ZFP82: variants seen among roughly 807,000 people sequenced by gnomAD.
ZFP82 encodes the protein ZFP82 zinc finger protein, also known as zinc finger protein 82 homolog.
A neutral mutation model predicts 54.0 loss-of-function variants in ZFP82; 30 were observed. That is an observed-to-expected ratio of 0.56 (90% CI 0.42 to 0.75). The LOEUF is 0.75. ZFP82 is among the 30% of genes least tolerant of loss of function. The pLI is 0.00. For missense variants in ZFP82, 500 were observed against 636.8 expected, an observed-to-expected ratio of 0.79 and a Z score of 2.31; for synonymous variants, 194 against 209.5, an observed-to-expected ratio of 0.93 and a Z score of 0.64.
chr19:36,411,322 ATTTCT>A (rs2032577069), intron 1 of ZFP82, among the ~76,000 whole-genome samples: 1 of 152,176 alleles, frequency 6.6e-6, no homozygotes, highest in Non-Finnish European at 1.5e-5. Flanking sequence ...GAAACCCAGA[ATTTCT>A]ATTCCAGTGA....
rs757850059 is a variant in ZFP82 at position 36,393,812 on chromosome 19, C to T, written c.528G>A (p.Gly176=). The part of the protein sequence containing the change: ...VDKPYECKEC[G]KAFRVRQQLT... ...GCTGTTGGCGCACTCTGAACGCCTT[C>T]CCACATTCCTTACATTCATAGGGTT... The change falls in exon 5 of 5, where the codon GGG becomes GGA. Residue 176 remains glycine (G), a synonymous_variant. Transcript: ENST00000392161. 6.2e-7 allele frequency: 1 copy of T among 1,614,148 alleles called. No homozygotes were observed. The highest frequency in any genetic ancestry group is 8.5e-7 in the Non-Finnish European group (1 of 1,180,018).
At position 36,392,704 on chromosome 19, in the gene ZFP82, T is replaced by C. The variant is rs905094835; in HGVS notation, c.*37A>G. 10 of 1,494,412 alleles carry C rather than the reference T, an allele frequency of 6.7e-6. No individual in the cohort carries two copies. In the African/African-American group the frequency reaches 8.4e-5, roughly 13 times the overall value. 92.6% of individuals were successfully genotyped at this position (1,494,412 alleles called of 1,614,324 possible). ...CAAAATAGATTAATTACTACATTCATAGAATGTTCTATAACACAGAAGTTG... is the reference window on the plus strand; with the variant it reads ...CAAAATAGATTAATTACTACATTCACAGAATGTTCTATAACACAGAAGTTG... On this transcript the variant is annotated 3_prime_UTR_variant, in exon 5 of 5. Transcript: ENST00000392161.
At chr19:36,403,137 G>A (rs1234922377) in intron 4 of ZFP82, among the ~76,000 whole-genome samples, 6 of 151,034 alleles carry the variant, frequency 4.0e-5, no homozygotes, top group African/African-American at 7.3e-5. Flanking sequence ...GCAAGACTCC[G>A]TCTCAAAACA....
chr19:36,402,390 A>G (rs1568486997), intron 4 of ZFP82, among the ~76,000 whole-genome samples: 1 of 144,614 alleles, frequency 6.9e-6, no homozygotes, highest in East Asian at 2.1e-4. Flanking sequence ...AACGGCGTGA[A>G]CCCAGGAAGC....
chr19:36,390,029 T>C lies in ZFP82; in HGVS notation c.*2712A>G, dbSNP rs1406275391. On this transcript the variant is annotated 3_prime_UTR_variant, in exon 5 of 5. Coordinates refer to ENST00000392161, the MANE Select transcript of ZFP82 (RefSeq NM_133466.4). Reference sequence around the variant, plus strand: ...AGTGTGCCTACCCCTGCCTTGTCCATTCCTTCCCATGAAAACCCCCAATAA... The same window carrying C: ...AGTGTGCCTACCCCTGCCTTGTCCACTCCTTCCCATGAAAACCCCCAATAA... Among the ~76,000 whole-genome samples the C allele has an allele frequency of 6.6e-6, 1 of 152,162 alleles. No homozygotes were observed. Among genetic ancestry groups the C allele is most frequent in the South Asian group, 2.1e-4 (1 of 4,822 alleles).
At chr19:36,418,169 C>G (rs79104492) in intron 1 of ZFP82, among the ~76,000 whole-genome samples, 1,786 of 152,138 alleles carry the variant, frequency 0.012, 37 homozygotes, top group African/African-American at 0.04. Context: ...CCTCCCGCCT[C>G]GCTCTCCCAG....
chr19:36,395,047 TAC>T (rs1403777816), intron 4 of ZFP82: 1 of 152,220 alleles, frequency 6.6e-6, no homozygotes, highest in Non-Finnish European at 1.5e-5. Context: ...CATGCCTTAC[TAC>T]AGTGATTAAA....
chr19:36,403,799 C>T (rs948012535), intron 4 of ZFP82, among the ~76,000 whole-genome samples: 2 of 152,024 alleles, frequency 1.3e-5, no homozygotes, highest in Admixed American at 1.3e-4. Flanking sequence ...GAATGATATT[C>T]TGTGAACTAG....
chr19:36,397,714 A>G (rs1389907316), intron 4 of ZFP82, among the ~76,000 whole-genome samples: 1 of 151,782 alleles, frequency 6.6e-6, no homozygotes. Context: ...CGGCCTCCCA[A>G]GTAGCTGGGA....
intron 4 of ZFP82, among the ~76,000 whole-genome samples, chr19:36,401,789 G>A (rs902294845): frequency 2.0e-5 from 3 of 152,124 alleles, no homozygotes; most frequent in African/African-American, 4.8e-5. Context: ...CATAATGGCC[G>A]TCTTTGTTAT....
chr19:36,414,365 T>C (rs1271658687), intron 1 of ZFP82, among the ~76,000 whole-genome samples: 1 of 96,136 alleles, frequency 1.0e-5, no homozygotes. Context: ...GTAATTCTAC[T>C]TTTTTTTTTT....
rs771573954 is a variant in ZFP82 at position 36,393,649 on chromosome 19, A to G, written c.691T>C (p.Cys231Arg). The change falls in exon 5 of 5, where the codon TGT becomes CGT. Residue 231 changes from cysteine to arginine, a missense_variant. Physicochemically the swap from Cys to Arg is radical, Grantham distance 180. Transcript: ENST00000392161. The part of the protein sequence containing the change: ...SGEKLYECKE[C>R]GEAFICGADL... ...GCACCACATATGAAAGCTTCCCCACATTCCTTACATTCATAGAGTTTTTCA... is the reference window on the plus strand; with the variant it reads ...GCACCACATATGAAAGCTTCCCCACGTTCCTTACATTCATAGAGTTTTTCA... The G allele has an allele frequency of 1.2e-6, 2 of 1,614,050 alleles. No individual in the cohort carries two copies. Among genetic ancestry groups the G allele is most frequent in the African/African-American group, 2.7e-5 (2 of 74,996 alleles).
chr19:36,413,342 C>T (rs190808856), intron 1 of ZFP82, among the ~76,000 whole-genome samples: 12 of 151,996 alleles, frequency 7.9e-5, no homozygotes, highest in African/African-American at 1.7e-4. Context: ...ATCTGGGAGG[C>T]GGAGGTTGCA....
At chr19:36,394,210 C>A in intron 4 of ZFP82, 100 bp from the exon 5 acceptor site, 6 of 1,085,966 alleles carry the variant, frequency 5.5e-6, no homozygotes, top group East Asian at 2.4e-5. Flanking sequence ...AATCCTTAAC[C>A]AAAACTCTAA....
At chr19:36,417,332 G>A (rs1422541224) in intron 1 of ZFP82, among the ~76,000 whole-genome samples, 1 of 152,116 alleles carries the variant, frequency 6.6e-6, no homozygotes, top group Non-Finnish European at 1.5e-5. Context: ...AAGGCCCACA[G>A]AAGTAATGAA....
chr19:36,390,703 T>C lies in ZFP82; in HGVS notation c.*2038A>G, dbSNP rs950482958. ...CCATTGCTATCACCACGAAAATCCA[T>C]GATTTTGTAAAATTAAAGAGCGTAG... On this transcript the variant is annotated 3_prime_UTR_variant, in exon 5 of 5. Transcript: ENST00000392161. 1 of 152,238 alleles carries C rather than the reference T, an allele frequency of 6.6e-6. No individual in the cohort carries two copies. The highest frequency in any genetic ancestry group is 2.4e-5 in the African/African-American group (1 of 41,470). The allele number at this position is 152,238 out of a possible 1,614,324, so 9.4% of individuals were successfully genotyped here.
rs1328997432 is a variant in ZFP82 at position 36,391,351 on chromosome 19, C to G, written c.*1390G>C. The stretch of plus-strand genomic sequence containing the variant: ...TTGACAATTTAGCATTTTTAAAAAA[C>G]AATGAAGTAGTTTAAAAAATTAATG... On this transcript the variant is annotated 3_prime_UTR_variant, in exon 5 of 5. Coordinates refer to ENST00000392161, the MANE Select transcript of ZFP82 (RefSeq NM_133466.4). The G allele has an allele frequency of 6.6e-6, 1 of 151,744 alleles. No homozygotes were observed. The highest frequency in any genetic ancestry group is 1.5e-5 in the Non-Finnish European group (1 of 67,950). 9.4% of individuals were successfully genotyped at this position (151,744 alleles called of 1,614,324 possible).
At chr19:36,408,167 A>T (rs1447607081) in intron 2 of ZFP82, among the ~76,000 whole-genome samples, 154 bp from the exon 3 acceptor site, 1 of 152,216 alleles carries the variant, frequency 6.6e-6, no homozygotes. Context: ...TCAGGAAATG[A>T]GTGTGCCTGA....
At position 36,393,267 on chromosome 19, in the gene ZFP82, C is replaced by T. The variant is rs1308919114; in HGVS notation, c.1073G>A (p.Arg358Lys). The change falls in exon 5 of 5, where the codon AGA becomes AAA. Residue 358 changes from arginine (R) to lysine (K), a missense_variant. Arg to Lys is a conservative substitution (Grantham distance 26). Coordinates refer to ENST00000392161, the MANE Select transcript of ZFP82 (RefSeq NM_133466.4). ...ATAGGGTTTCTCACCAGTATGAATT[C>T]TCTGATGGAGTGTTAGTTGTTGTCG... ...RVRQQLTLHQ[R>K]IHTGEKPYEC... is the part of the protein sequence containing the mutation. The T allele has an allele frequency of 6.2e-7, 1 of 1,613,800 alleles. No homozygotes were observed. Among genetic ancestry groups the T allele is most frequent in the Non-Finnish European group, 8.5e-7 (1 of 1,179,990 alleles).
Sources: allele counts gnomAD v4.1 joint callset (sites outside exome capture counted in the v4.1 genomes callset), GRCh38; gene constraint gnomAD v4.1.1; transcripts MANE v1.5; gene names NCBI Gene and HGNC (gene_info 2026-07-23, HGNC 2026-07-21).